Variants in LPIN1 observed in about 807,000 individuals in gnomAD.
LPIN1 encodes the protein lipin 1, also known as phosphatidate phosphatase LPIN1.
LPIN1 carries 71 observed loss-of-function variants against 107.5 expected under a neutral mutation model. The observed-to-expected ratio is 0.66, with a 90% CI of 0.55 to 0.80. The LOEUF (loss-of-function observed/expected upper bound fraction) is 0.80, where lower values mean the gene tolerates loss of function less well. Ranked by LOEUF, LPIN1 falls within the 30% of genes least tolerant of loss-of-function variation. LPIN1 has a pLI of 0.00. For missense variants in LPIN1, 1,043 were observed against 1,160.6 expected, an observed-to-expected ratio of 0.90 and a Z score of 1.47; for synonymous variants, 445 against 452.6, an observed-to-expected ratio of 0.98 and a Z score of 0.21.
chr2:11,716,149 C>T (rs186569633), intron 2 of LPIN1, among the ~76,000 whole-genome samples: 43 of 152,164 alleles, frequency 2.8e-4, no homozygotes, highest in Admixed American at 2.3e-3. Context: ...CCACAGTGGA[C>T]GGTGCGGATC....
intron 1 of LPIN1, among the ~76,000 whole-genome samples, chr2:11,761,143 G>A (rs2148607256): frequency 1.3e-5 from 2 of 151,028 alleles, no homozygotes; most frequent in South Asian, 2.1e-4. Flanking sequence ...GTACAAAGAT[G>A]TTATTAATAC....
chr2:11,713,517 T>C (rs1177787024), intron 1 of LPIN1, among the ~76,000 whole-genome samples: 1 of 152,232 alleles, frequency 6.6e-6, no homozygotes, highest in African/African-American at 2.4e-5. Context: ...GTGATCTGCC[T>C]GCTTTGGCCT....
Position 11,786,511 on chromosome 2 carries a change from G to A in LPIN1, c.1550-563G>A, listed in dbSNP as rs1240074104. ...CCTTTGCTCTGATCCTGGTGGGGCTGCCCCACCATGATGAGAACAGTGCCC... is the reference window on the plus strand; with the variant it reads ...CCTTTGCTCTGATCCTGGTGGGGCTACCCCACCATGATGAGAACAGTGCCC... On this transcript the variant is annotated intron_variant, in intron 10 of 20. Transcript: ENST00000674199. The surrounding 1 kb of genome is among the most constrained non-coding windows in gnomAD (Gnocchi z 4.1). Among the ~76,000 whole-genome samples the A allele has an allele frequency of 2.6e-5, 4 of 152,100 alleles. No homozygotes were observed. Among genetic ancestry groups the A allele is most frequent in the Non-Finnish European group, 4.4e-5 (3 of 68,004 alleles).
chr2:11,728,498 C>T (rs1018879983), intron 1 of LPIN1, among the ~76,000 whole-genome samples: 2 of 152,174 alleles, frequency 1.3e-5, no homozygotes, highest in African/African-American at 2.4e-5. Context: ...AACCCTCCCA[C>T]CTCAGCCTCC....
At chr2:11,808,053 GA>G (rs1246616871) in intron 17 of LPIN1, among the ~76,000 whole-genome samples, 1 of 152,058 alleles carries the variant, frequency 6.6e-6, no homozygotes, top group Non-Finnish European at 1.5e-5. Context: ...CTTCCCCTCT[GA>G]TTTTCGCTTC....
chr2:11,778,956 G>A (rs1251365812), intron 6 of LPIN1, among the ~76,000 whole-genome samples: 1 of 152,182 alleles, frequency 6.6e-6, no homozygotes. Context: ...ATTTCAACTT[G>A]TAGGCTCCTG....
Position 11,759,822 on chromosome 2 carries a change from C to G in LPIN1, c.-9-5711C>G, listed in dbSNP as rs1426637392. On this transcript the variant is annotated intron_variant, in intron 1 of 20. Coordinates refer to ENST00000674199, the MANE Select transcript of LPIN1 (RefSeq NM_001349206.2). The stretch of plus-strand genomic sequence containing the variant: ...GCTGGCCGGGCGGGGGCTGACCCCC[C>G]ACCTCCCTCCCGGACGGGGCGGCTG... 2.7e-5 allele frequency among the ~76,000 whole-genome samples: 4 copies of G among 150,590 alleles called. No individual in the cohort carries two copies. The South Asian group carries it at 8.4e-4, about 32-fold the overall frequency.
At chr2:11,726,809 T>C (rs1553406443) in intron 1 of LPIN1, among the ~76,000 whole-genome samples, 1 of 152,252 alleles carries the variant, frequency 6.6e-6, no homozygotes, top group Non-Finnish European at 1.5e-5. Context: ...TGCAGTCTCC[T>C]CCAAGCTGTG....
intron 7 of LPIN1, among the ~76,000 whole-genome samples, chr2:11,781,950 C>T (rs959789004): frequency 3.9e-5 from 6 of 152,232 alleles, no homozygotes; most frequent in African/African-American, 7.2e-5. Context: ...TTAGGGTGCT[C>T]CTGCCTGTTG....
At chr2:11,811,243 A>G (rs942275120) in intron 17 of LPIN1, among the ~76,000 whole-genome samples, 2 of 152,152 alleles carry the variant, frequency 1.3e-5, no homozygotes. Context: ...CTGTGGGTTG[A>G]GCAGGGACTT....
rs1682430744 is a variant in LPIN1 at position 11,826,797 on chromosome 2, CA to C, written c.*2007del. On this transcript the variant is annotated 3_prime_UTR_variant, in exon 21 of 21. Transcript: ENST00000674199. Reference sequence around the variant, plus strand: ...CAGCACACCCTGCAGGCGGAGTTTTCAGAGGATGCAATTTTGGATCCCGAAT... The same window carrying C: ...CAGCACACCCTGCAGGCGGAGTTTTCGAGGATGCAATTTTGGATCCCGAAT... The C allele has an allele frequency of 6.6e-6, 1 of 152,164 alleles. No individual in the cohort carries two copies. Among genetic ancestry groups the C allele is most frequent in the Non-Finnish European group, 1.5e-5 (1 of 68,036 alleles). The allele number at this position is 152,164 out of a possible 1,614,324, so 9.4% of individuals were successfully genotyped here. A position where few individuals can be genotyped will look rare whatever the true frequency, so the allele number is the denominator to read the frequency against.
At chr2:11,766,464 A>T (rs1243167611) in intron 2 of LPIN1, among the ~76,000 whole-genome samples, 1 of 152,214 alleles carries the variant, frequency 6.6e-6, no homozygotes, top group African/African-American at 2.4e-5. Context: ...AGAAACAGAC[A>T]CTTTGAGGAA....
chr2:11,753,347 A>G (rs117523338), intron 1 of LPIN1, among the ~76,000 whole-genome samples: 1 of 152,230 alleles, frequency 6.6e-6, no homozygotes, highest in East Asian at 1.9e-4. Flanking sequence ...CAGCTTTTCT[A>G]GTGAGTTTTT....
rs1189398637 is a variant in LPIN1, at chr2:11,693,816, ATATATATTTTTTTTTTTTTTTT to A, written c.81+16090_81+16111del. On this transcript the variant is annotated intron_variant, in intron 1 of 21. Transcript: ENST00000449576. The stretch of plus-strand genomic sequence containing the variant: ...TATATATATATATATATATATATAT[ATATATATTTTTTTTTTTTTTTT>A]TTTTTTTTTTTTTTGAGATGGAGTC... Among the ~76,000 whole-genome samples the A allele has an allele frequency of 4.7e-4, 14 of 29,502 alleles. No homozygotes were observed. In the East Asian group the frequency reaches 0.014, roughly 30 times the overall value. The allele number at this position is 29,502 out of a possible 152,430, so 19.4% of individuals were successfully genotyped here.
At chr2:11,775,577 A>G (rs1287969546) in intron 5 of LPIN1, among the ~76,000 whole-genome samples, 2 of 152,212 alleles carry the variant, frequency 1.3e-5, no homozygotes, top group Non-Finnish European at 2.9e-5. Context: ...GACAATTGAC[A>G]GCACACACGA....
At chr2:11,818,284 T>C (rs1680932197) in intron 18 of LPIN1, 2 of 152,248 alleles carry the variant, frequency 1.3e-5, no homozygotes, top group South Asian at 4.1e-4. Flanking sequence ...CTCAAAATTA[T>C]ATTGGATCTT....
intron 1 of LPIN1, among the ~76,000 whole-genome samples, chr2:11,750,836 C>A (rs1310832533): frequency 6.6e-6 from 1 of 152,108 alleles, no homozygotes; most frequent in Non-Finnish European, 1.5e-5. Context: ...GTGATATATG[C>A]CCACCTCCCA....
intron 14 of LPIN1, among the ~76,000 whole-genome samples, chr2:11,801,618 G>A (rs561845964): frequency 4.5e-4 from 68 of 152,202 alleles, no homozygotes; most frequent in Non-Finnish European, 8.4e-4. Context: ...GGGGAGAGGA[G>A]GATGAAGAGA....
intron 14 of LPIN1, among the ~76,000 whole-genome samples, chr2:11,801,332 G>T (rs908738980): frequency 2.5e-4 from 38 of 152,182 alleles, no homozygotes; most frequent in African/African-American, 8.9e-4. Context: ...CTATTCACAG[G>T]AGTTGAAATA....
Sources: allele counts gnomAD v4.1 joint callset (sites outside exome capture counted in the v4.1 genomes callset), GRCh38; gene constraint gnomAD v4.1.1; non-coding constraint Gnocchi (gnomAD v3.1); transcripts MANE v1.5; gene names NCBI Gene and HGNC (gene_info 2026-07-23, HGNC 2026-07-21).